The following ZFPL1 variants were observed in gnomAD, a reference collection of about 807,000 sequenced individuals.
The protein encoded by ZFPL1 is zinc finger protein like 1.
Under a neutral mutation model 32.0 loss-of-function variants are expected in ZFPL1, and 28 were observed. That is an observed-to-expected ratio of 0.87 (90% CI 0.65 to 1.20). The LOEUF is 1.20. ZFPL1 is among the 50% of genes most tolerant of loss of function. The pLI is 0.00. For synonymous variants in ZFPL1, 165 were observed against 177.0 expected (o/e 0.93, Z 0.54); for missense variants, 386 against 424.8 (o/e 0.91, Z 0.80).
chr11:65,084,546 C>T, intron 1 of ZFPL1, 145 bp from the exon 2 acceptor site: 1 of 682,676 alleles, frequency 1.5e-6, no homozygotes, highest in East Asian at 2.8e-5. Context: ...TGTTTCTCCG[C>T]ATAAGGAGGG....
chr11:65,084,532 G>C, intron 1 of ZFPL1, 154 bp downstream of exon 1: 1 of 641,462 alleles, frequency 1.6e-6, no homozygotes, highest in Non-Finnish European at 2.7e-6. Context: ...ATTTATGCAG[G>C]GGGTGTTTCT....
chr11:65,087,423 C>T lies in ZFPL1; in HGVS notation c.736C>T (p.Arg246Trp), dbSNP rs76309164. Residue 246 changes from arginine (R) to tryptophan (W), a missense_variant, in exon 7 of 8, where the codon CGG becomes TGG. Arg to Trp is a moderately radical substitution (Grantham distance 101). Coordinates refer to ENST00000294258, the MANE Select transcript of ZFPL1 (RefSeq NM_006782.4). ...TCGGCCGGCCTTGGGTTGGCTGGCC[C>T]GGCTGCTAAGGTACACAGGGTCAGG... is the stretch of plus-strand genomic sequence containing the variant. ...RRRPALGWLA[R>W]LLRSRAGSRK... 23 of 1,613,886 alleles carry T rather than the reference C, an allele frequency of 1.4e-5. No individual in the cohort carries two copies. Among genetic ancestry groups the T allele is most frequent in the Admixed American group, 3.3e-5 (2 of 59,980 alleles).
chr11:65,086,900 C>T, intron 5 of ZFPL1, 28 bp from the exon 6 acceptor site: 1 of 1,613,122 alleles, frequency 6.2e-7, no homozygotes. Flanking sequence ...TGCACTGCTT[C>T]TGCTGACGGC....
chr11:65,087,488 G>A (rs2137167164), intron 7 of ZFPL1, 55 bp downstream of exon 7: 1 of 1,539,518 alleles, frequency 6.5e-7, no homozygotes, highest in Non-Finnish European at 9.0e-7. Context: ...GGGAATGGGA[G>A]CCAGAGGTCC....
At chr11:65,087,273 C>T (rs1427502551) in intron 6 of ZFPL1, 43 bp from the exon 7 acceptor site, 1 of 1,607,046 alleles carries the variant, frequency 6.2e-7, no homozygotes, top group African/African-American at 1.3e-5. Context: ...CCAAAGCGGC[C>T]AGTTTTCCTG....
chr11:65,084,248 G>T lies in ZFPL1; in HGVS notation c.-139G>T. Reference sequence around the variant, plus strand: ...GAGACGTGGCAGCGGAGGGATAATCGGGGCGGCCGGGGCTGAAGGGAGAGG... The same window carrying T: ...GAGACGTGGCAGCGGAGGGATAATCTGGGCGGCCGGGGCTGAAGGGAGAGG... On this transcript the variant is annotated 5_prime_UTR_variant, in exon 1 of 8. Coordinates refer to ENST00000294258, the MANE Select transcript of ZFPL1 (RefSeq NM_006782.4). 1 of 573,260 alleles carries T rather than the reference G, an allele frequency of 1.7e-6. No homozygotes were observed. Among genetic ancestry groups the T allele is most frequent in the Non-Finnish European group, 3.1e-6 (1 of 323,154 alleles). 35.5% of individuals were successfully genotyped at this position (573,260 alleles called of 1,614,324 possible).
In ZFPL1 at chr11:65,086,569, C is replaced by T. The variant is rs1947681933; in HGVS notation, c.369C>T (p.Ala123=). The part of the protein sequence containing the change: ...PVASALREKL[A]TVNWARAGLG... ...CCTCCGCACTGAGAGAGAAGCTGGC[C>T]ACAGTCAACTGGGCCCGGGCAGGAC... The change falls in exon 4 of 8, where the codon GCC becomes GCT. Residue 123 remains alanine (A), a synonymous_variant. Transcript: ENST00000294258. 1.2e-6 allele frequency: 2 copies of T among 1,614,154 alleles called. No individual in the cohort carries two copies. Among genetic ancestry groups the T allele is most frequent in the South Asian group, 1.1e-5 (1 of 91,086 alleles).
At chr11:65,086,651 C>G (rs1188150778) in intron 4 of ZFPL1, 43 bp downstream of exon 4, 1 of 1,614,028 alleles carries the variant, frequency 6.2e-7, no homozygotes, top group African/African-American at 1.3e-5. Flanking sequence ...TGCCCTGGGC[C>G]CCACCTGAGT....
intron 7 of ZFPL1, 22 bp downstream of exon 7, chr11:65,087,455 G>A (rs774786874): frequency 2.5e-5 from 41 of 1,608,514 alleles, no homozygotes; most frequent in East Asian, 4.5e-5. Context: ...CAGGCAGGGC[G>A]GAATGCCAGG....
chr11:65,084,642 T>A (rs1389458103), intron 1 of ZFPL1, 49 bp from the exon 2 acceptor site: 1 of 1,518,832 alleles, frequency 6.6e-7, no homozygotes, highest in Non-Finnish European at 9.1e-7. Context: ...GAGAGCGTAG[T>A]GGTGGCCACC....
At position 65,085,220 on chromosome 11, in the gene ZFPL1, T is replaced by C; in HGVS notation, c.208T>C (p.Cys70Arg). The C allele has an allele frequency of 1.9e-6, 3 of 1,614,118 alleles. No homozygotes were observed. The highest frequency in any genetic ancestry group is 2.5e-6 in the Non-Finnish European group (3 of 1,180,024). ...CAGCCGAGAGACGACCCGCCTTGTC[T>C]GCTATGGTGAGGCCTTGGCACCTCG... ...LASRETTRLV[C>R]YDLFHWACLN... The change falls in exon 3 of 8, where the codon TGC becomes CGC. Residue 70 changes from cysteine (C) to arginine (R), a missense_variant. Transcript: ENST00000294258.
chr11:65,085,253 C>G (rs1246109739), intron 3 of ZFPL1, 27 bp downstream of exon 3: 6 of 1,603,396 alleles, frequency 3.7e-6, no homozygotes, highest in Non-Finnish European at 4.3e-6. Context: ...TCGGGGGGAT[C>G]AGGCCAGCCT....
chr11:65,084,636 G>T, intron 1 of ZFPL1, 55 bp from the exon 2 acceptor site: 1 of 1,470,638 alleles, frequency 6.8e-7, no homozygotes, highest in Non-Finnish European at 9.5e-7. Context: ...GCTGGTGAGA[G>T]CGTAGTGGTG....
Position 65,086,504 on chromosome 11 carries a change from G to A in ZFPL1, c.304G>A (p.Gly102Ser). The A allele has an allele frequency of 6.2e-7, 1 of 1,614,032 alleles. No homozygotes were observed. Among genetic ancestry groups the A allele is most frequent in the Non-Finnish European group, 8.5e-7 (1 of 1,180,034 alleles). Residue 102 changes from glycine (G) to serine (S), a missense_variant, in exon 4 of 8, where the codon GGC (glycine) becomes AGC (serine). By Grantham distance (56) the Gly-to-Ser change is moderately conservative. Coordinates refer to ENST00000294258, the MANE Select transcript of ZFPL1 (RefSeq NM_006782.4). Reference protein sequence around the residue: ...PAGYQCPSCNGPIFPPTNLAG... With the variant: ...PAGYQCPSCNSPIFPPTNLAG... ...CGGCTATCAGTGCCCCAGCTGCAAT[G>A]GCCCCATCTTCCCCCCAACCAACCT...
rs77545756 is a variant in ZFPL1, at chr11:65,087,087, G to A, written c.628+13G>A. The A allele has an allele frequency of 5.6e-4, 894 of 1,608,370 alleles. 4 individuals carry two copies. In the African/African-American group the frequency reaches 0.01, roughly 19 times the overall value. ...CCCTTGACTCACGGTGAGCCTGGGAGTTATCCAGGCCGCAGAAGGATAGGA... is the reference window on the plus strand; with the variant it reads ...CCCTTGACTCACGGTGAGCCTGGGAATTATCCAGGCCGCAGAAGGATAGGA... On this transcript the variant is annotated intron_variant, in intron 6 of 7. Coordinates refer to ENST00000294258, the MANE Select transcript of ZFPL1 (RefSeq NM_006782.4).
At chr11:65,086,835 T>C in intron 5 of ZFPL1, 43 bp downstream of exon 5, 1 of 1,614,148 alleles carries the variant, frequency 6.2e-7, no homozygotes, top group South Asian at 1.1e-5. Context: ...TTAGCCTCCC[T>C]GCTCTGCTGA....
rs1947686165 is a variant in ZFPL1 at position 65,086,983 on chromosome 11, C to T, written c.537C>T (p.Phe179=). The change falls in exon 6 of 8, where the codon TTC becomes TTT. Residue 179 remains phenylalanine, a synonymous_variant. Coordinates refer to ENST00000294258, the MANE Select transcript of ZFPL1 (RefSeq NM_006782.4). ...EVDSASAAPA[F]YSQAPRPPAS... is the part of the protein sequence containing the mutation. Reference sequence around the variant, plus strand: ...ACAGCGCCTCTGCTGCCCCAGCCTTCTACAGCCAGGCCCCCCGGCCCCCAG... The same window carrying T: ...ACAGCGCCTCTGCTGCCCCAGCCTTTTACAGCCAGGCCCCCCGGCCCCCAG... The T allele has an allele frequency of 6.2e-7, 1 of 1,613,954 alleles. No individual in the cohort carries two copies. The highest frequency in any genetic ancestry group is 8.5e-7 in the Non-Finnish European group (1 of 1,180,008).
chr11:65,086,327 C>A lies in ZFPL1; in HGVS notation c.215-88C>A. Reference sequence around the variant, plus strand: ...GCACACACACATGTGTCCATATGTCCTGCAATGGTCTGGGGACTATTGCTA... The same window carrying A: ...GCACACACACATGTGTCCATATGTCATGCAATGGTCTGGGGACTATTGCTA... On this transcript the variant is annotated intron_variant, in intron 3 of 7. Transcript: ENST00000294258. 3 of 1,513,486 alleles carry A rather than the reference C, an allele frequency of 2.0e-6. No homozygotes were observed. In the Admixed American group the frequency reaches 5.0e-5, roughly 25 times the overall value. 93.8% of individuals were successfully genotyped at this position (1,513,486 alleles called of 1,614,324 possible).
At chr11:65,085,393 T>G (rs1176985963) in intron 3 of ZFPL1, 167 bp downstream of exon 3, 3 of 662,242 alleles carry the variant, frequency 4.5e-6, no homozygotes, top group Non-Finnish European at 8.2e-6. Context: ...AGGCAAGTTA[T>G]TCTTCCTTTC....
Sources: gnomAD v4.1 joint callset for allele counts on GRCh38, gnomAD v4.1.1 for gene constraint, MANE v1.5 for transcripts, NCBI Gene and HGNC (gene_info 2026-07-23, HGNC 2026-07-21) for gene names.